Variants in DPP10 observed in about 807,000 individuals in gnomAD.
DPP10 encodes inactive dipeptidyl peptidase 10.
Under a neutral mutation model 120.9 loss-of-function variants are expected in DPP10, and 33 were observed. The ratio of observed to expected loss-of-function variants is 0.27; its 90% CI spans 0.21 to 0.37. The LOEUF (loss-of-function observed/expected upper bound fraction) is 0.37. Ranked by LOEUF, DPP10 falls within the 10% of genes least tolerant of loss-of-function variation. The pLI is 1.00. For missense variants in DPP10, 816 were observed against 942.8 expected (o/e 0.87, Z 1.76); for synonymous variants, 337 against 326.1 (o/e 1.03, Z -0.36).
chr2:115,631,749 A>G lies in DPP10; in HGVS notation c.442-57938A>G, dbSNP rs192368041. 4.8e-3 allele frequency among the ~76,000 whole-genome samples: 727 copies of G among 152,250 alleles called. 4 individuals are homozygous for G. The highest frequency in any genetic ancestry group is 7.9e-3 in the Non-Finnish European group (537 of 68,002). On this transcript the variant is annotated intron_variant, in intron 5 of 25. Coordinates refer to ENST00000410059, the MANE Select transcript of DPP10 (RefSeq NM_020868.6). ...AGTGAGTTTCTTGATCCTAAGTTCT[A>G]ATTTGATGGCACTGTGGTCTGAGAG...
rs369160841 is a variant in DPP10, at chr2:115,217,622, CAT to C, written c.61-91614_61-91613del. Among the ~76,000 whole-genome samples, 721 of 152,270 alleles carry C rather than the reference CAT, an allele frequency of 4.7e-3. 5 individuals are homozygous for C. Among genetic ancestry groups the C allele is most frequent in the African/African-American group, 0.016 (657 of 41,550 alleles). Reference sequence around the variant, plus strand: ...CCACCAGTGGGACTTGCCAGATACACATATGATCTTATTTTACTTCAATTTCA... The same window carrying C: ...CCACCAGTGGGACTTGCCAGATACACATGATCTTATTTTACTTCAATTTCA... On this transcript the variant is annotated intron_variant, in intron 1 of 25. Coordinates refer to ENST00000410059, the MANE Select transcript of DPP10 (RefSeq NM_020868.6).
At chr2:115,840,881 A>G in intron 25 of DPP10, 58 bp downstream of exon 25, 1 of 1,396,608 alleles carries the variant, frequency 7.2e-7, no homozygotes, top group Non-Finnish European at 1.0e-6. Context: ...CTTGTGAGAT[A>G]CGCAACACAG....
chr2:114,671,574 G>A (rs1698343297), intron 1 of DPP10, among the ~76,000 whole-genome samples: 1 of 152,032 alleles, frequency 6.6e-6, no homozygotes, highest in Admixed American at 6.6e-5. Flanking sequence ...ACACAAAACT[G>A]ACTAACATAA....
intron 1 of DPP10, chr2:115,234,528 A>C (rs890132596): frequency 3.9e-5 from 6 of 152,952 alleles, no homozygotes; most frequent in African/African-American, 1.4e-4. Flanking sequence ...TTTGATTCTC[A>C]ATAGCAGTTT....
intron 3 of DPP10, among the ~76,000 whole-genome samples, chr2:115,445,847 A>G (rs1019363445): frequency 1.1e-4 from 17 of 152,230 alleles, no homozygotes; most frequent in African/African-American, 4.1e-4. Flanking sequence ...TCAGACCTCC[A>G]TGGAAGCTCC....
At chr2:115,300,323 A>G (rs113306789) in intron 1 of DPP10, among the ~76,000 whole-genome samples, 44 of 152,164 alleles carry the variant, frequency 2.9e-4, no homozygotes, top group African/African-American at 1.0e-3. Flanking sequence ...ATGATACAGT[A>G]TTTGTCCGTT....
intron 1 of DPP10, among the ~76,000 whole-genome samples, chr2:114,537,502 CTTTTT>C (rs900317502): frequency 6.7e-6 from 1 of 148,710 alleles, no homozygotes; most frequent in African/African-American, 2.5e-5. Flanking sequence ...AGAAGGGAGA[CTTTTT>C]TTTTTGGTCC....
At chr2:115,617,621 G>A (rs1319638196) in intron 5 of DPP10, among the ~76,000 whole-genome samples, 4 of 151,602 alleles carry the variant, frequency 2.6e-5, no homozygotes, top group Non-Finnish European at 5.9e-5. Context: ...CAGCTTTTAG[G>A]ACATTAACAT....
rs1464082014 is a variant in DPP10, at chr2:114,523,293, C to CAATAGGG, written c.60+80458_60+80464dup. Among the ~76,000 whole-genome samples, 85 of 152,194 alleles carry CAATAGGG rather than the reference C, an allele frequency of 5.6e-4. 1 individual carries two copies. Among genetic ancestry groups the CAATAGGG allele is most frequent in the African/African-American group, 2.0e-3 (83 of 41,504 alleles). ...AATCAGTCATTGACTGCAGGCTGTT[C>CAATAGGG]AATAGGGAAGGGATAAATAGGGGTG... is the stretch of plus-strand genomic sequence containing the variant. On this transcript the variant is annotated intron_variant, in intron 1 of 25. Coordinates refer to ENST00000410059, the MANE Select transcript of DPP10 (RefSeq NM_020868.6).
At chr2:115,162,842 CTGGGGTGATT>C (rs1394533106) in intron 1 of DPP10, among the ~76,000 whole-genome samples, 1 of 152,084 alleles carries the variant, frequency 6.6e-6, no homozygotes, top group African/African-American at 2.4e-5. Context: ...TGTCCCTGAT[CTGGGGTGATT>C]TGGGACTTCG....
chr2:114,836,468 A>G (rs998047935), intron 1 of DPP10, among the ~76,000 whole-genome samples: 2 of 152,182 alleles, frequency 1.3e-5, no homozygotes, highest in African/African-American at 2.4e-5. Flanking sequence ...GCAAGTTTTT[A>G]TTAGTGATTT....
chr2:115,043,420 A>G (rs1467735864), intron 1 of DPP10, among the ~76,000 whole-genome samples: 1 of 152,234 alleles, frequency 6.6e-6, no homozygotes, highest in Non-Finnish European at 1.5e-5. Context: ...AAGTACCCTC[A>G]TCACAAAATT....
chr2:115,512,099 T>C (rs2077262398), intron 4 of DPP10, among the ~76,000 whole-genome samples: 1 of 150,882 alleles, frequency 6.6e-6, no homozygotes, highest in Non-Finnish European at 1.5e-5. Context: ...TCTTTTCTTC[T>C]CTTCTATTTT....
At chr2:115,168,889 C>G (rs1166351460) in intron 1 of DPP10, among the ~76,000 whole-genome samples, 1 of 152,112 alleles carries the variant, frequency 6.6e-6, no homozygotes, top group African/African-American at 2.4e-5. Flanking sequence ...AGAAAACTCA[C>G]TTTTATCCAA....
At position 114,890,947 on chromosome 2, in the gene DPP10, C is replaced by T. The variant is rs535686652; in HGVS notation, c.61-418292C>T. On this transcript the variant is annotated intron_variant, in intron 1 of 25. Coordinates refer to ENST00000410059, the MANE Select transcript of DPP10 (RefSeq NM_020868.6). Reference sequence around the variant, plus strand: ...GCACGGTAGCAGGGTACAATATAGCCAAATGCTGTTGCTCCACATAGGAAA... The same window carrying T: ...GCACGGTAGCAGGGTACAATATAGCTAAATGCTGTTGCTCCACATAGGAAA... 5.3e-5 allele frequency among the ~76,000 whole-genome samples: 8 copies of T among 151,822 alleles called. No homozygotes were observed. In the East Asian group the frequency reaches 1.6e-3, roughly 30 times the overall value.
intron 1 of DPP10, among the ~76,000 whole-genome samples, chr2:114,767,348 G>C (rs1345047058): frequency 6.7e-6 from 1 of 148,442 alleles, no homozygotes; most frequent in Non-Finnish European, 1.5e-5. Flanking sequence ...GGTGCTAAGA[G>C]ACACGAATGA....
chr2:115,051,377 A>G (rs115807945), intron 1 of DPP10, among the ~76,000 whole-genome samples: 49,851 of 151,672 alleles, frequency 0.33, 8,417 homozygotes, highest in East Asian at 0.49. Context: ...TAAGGTACTA[A>G]AAAAAAAAAC....
chr2:115,612,048 A>G (rs1260303853), intron 5 of DPP10, among the ~76,000 whole-genome samples: 1 of 152,190 alleles, frequency 6.6e-6, no homozygotes, highest in African/African-American at 2.4e-5. Context: ...TGTGAGATAT[A>G]TTACAATATG....
intron 1 of DPP10, among the ~76,000 whole-genome samples, chr2:115,253,019 A>G (rs1203849494): frequency 6.6e-6 from 1 of 152,218 alleles, no homozygotes; most frequent in African/African-American, 2.4e-5. Context: ...TAATTTATGA[A>G]GAAAAGAGGT....
Sources: gnomAD v4.1 joint callset for allele counts (sites outside exome capture counted in the v4.1 genomes callset) on GRCh38, gnomAD v4.1.1 for gene constraint, MANE v1.5 for transcripts, NCBI Gene and HGNC (gene_info 2026-07-23, HGNC 2026-07-21) for gene names.